Variants in JARID2 observed in about 807,000 individuals in gnomAD.
JARID2 encodes protein Jumonji.
Under a neutral mutation model 125.6 loss-of-function variants are expected in JARID2, and 21 were observed. That is an observed-to-expected ratio of 0.17 (90% CI 0.12 to 0.24). The LOEUF is 0.24. Ranked by LOEUF, JARID2 falls within the 10% of genes least tolerant of loss-of-function variation. The pLI, the probability that JARID2 is intolerant of heterozygous loss-of-function variation, is 1.00. For missense variants in JARID2, 1,303 were observed against 1,639.6 expected, an observed-to-expected ratio of 0.79 and a Z score of 3.55; for synonymous variants, 736 against 661.6, an observed-to-expected ratio of 1.11 and a Z score of -1.73.
At chr6:15,400,788 C>G (rs1486522430) in intron 2 of JARID2, 1 of 985,174 alleles carries the variant, frequency 1.0e-6, no homozygotes, top group African/African-American at 1.7e-5. Flanking sequence ...CATTGCTGTT[C>G]TGGCCGTCCT....
At chr6:15,289,018 G>A (rs936423576) in intron 1 of JARID2, among the ~76,000 whole-genome samples, 10 of 152,182 alleles carry the variant, frequency 6.6e-5, no homozygotes, top group African/African-American at 1.9e-4. Flanking sequence ...TCCAAGCCAC[G>A]GAGGGAGGAG....
At chr6:15,246,636 G>A (rs760076417) in intron 1 of JARID2, 52 bp downstream of exon 1, 1 of 1,419,006 alleles carries the variant, frequency 7.0e-7, no homozygotes, top group Admixed American at 1.7e-5. Flanking sequence ...AGCAATGGCT[G>A]TGAATGTCAA....
intron 1 of JARID2, among the ~76,000 whole-genome samples, chr6:15,325,460 T>TC (rs1223567660): frequency 6.6e-6 from 1 of 152,212 alleles, no homozygotes; most frequent in Non-Finnish European, 1.5e-5. Flanking sequence ...TCACAGCTTG[T>TC]CCTGAATTTA....
chr6:15,292,491 A>G (rs1263564799), intron 1 of JARID2, among the ~76,000 whole-genome samples: 1 of 152,166 alleles, frequency 6.6e-6, no homozygotes, highest in Non-Finnish European at 1.5e-5. Flanking sequence ...CTCTGGGTCA[A>G]TGGAAATAGA....
chr6:15,364,856 T>C (rs1279637209), intron 1 of JARID2, among the ~76,000 whole-genome samples: 2 of 152,242 alleles, frequency 1.3e-5, no homozygotes, highest in Non-Finnish European at 1.5e-5. Flanking sequence ...ATTGTGGCCA[T>C]TGAGTAACTG....
chr6:15,388,549 T>C (rs763959820), intron 2 of JARID2, among the ~76,000 whole-genome samples: 2 of 150,380 alleles, frequency 1.3e-5, no homozygotes, highest in Non-Finnish European at 3.0e-5. Flanking sequence ...GGTGTGGGGA[T>C]GAGGAGAGAA....
intron 4 of JARID2, 145 bp from the exon 5 acceptor site, chr6:15,468,391 ATCTTGG>A: frequency 1.7e-6 from 1 of 588,322 alleles, no homozygotes; most frequent in South Asian, 4.2e-5. Flanking sequence ...GGCACAGATG[ATCTTGG>A]GAGCATTTGA....
chr6:15,454,461 GC>G (rs1768062155), intron 4 of JARID2, among the ~76,000 whole-genome samples: 1 of 152,152 alleles, frequency 6.6e-6, no homozygotes, highest in Non-Finnish European at 1.5e-5. Context: ...ATCTCCATTA[GC>G]TTTTTTGTTT....
chr6:15,463,525 G>A (rs566152969), intron 4 of JARID2, among the ~76,000 whole-genome samples: 2 of 150,612 alleles, frequency 1.3e-5, no homozygotes, highest in South Asian at 4.2e-4. Context: ...CTGCCTGCTG[G>A]GTTCAAGTGA....
Position 15,520,896 on chromosome 6 carries a change from A to G in JARID2, c.*645A>G. 2.2e-6 allele frequency: 1 copy of G among 452,698 alleles called. No individual in the cohort carries two copies. The highest frequency in any genetic ancestry group is 4.5e-6 in the Non-Finnish European group (1 of 224,510). 28.0% of individuals were successfully genotyped at this position (452,698 alleles called of 1,614,324 possible). On this transcript the variant is annotated 3_prime_UTR_variant, in exon 18 of 18. Coordinates refer to ENST00000341776, the MANE Select transcript of JARID2 (RefSeq NM_004973.4). The stretch of plus-strand genomic sequence containing the variant: ...GTGGGCTCTCCACCAGCACATCACT[A>G]TGCATCTGTTCCAGGAAAGAAGAAA...
At chr6:15,386,762 A>C (rs1395872495) in intron 2 of JARID2, among the ~76,000 whole-genome samples, 3 of 152,258 alleles carry the variant, frequency 2.0e-5, no homozygotes, top group Non-Finnish European at 4.4e-5. Context: ...TGGGGACTGA[A>C]AGTGCCTCAA....
At chr6:15,429,534 G>C (rs566952963) in intron 3 of JARID2, among the ~76,000 whole-genome samples, 2 of 152,094 alleles carry the variant, frequency 1.3e-5, no homozygotes, top group African/African-American at 4.8e-5. Flanking sequence ...CTCCCAAAGT[G>C]CTGAGATTAC....
intron 1 of JARID2, among the ~76,000 whole-genome samples, chr6:15,352,616 G>A (rs1157785439): frequency 2.0e-5 from 3 of 151,984 alleles, no homozygotes; most frequent in South Asian, 2.1e-4. Context: ...CTCCCTTAAC[G>A]TCCTGGAAAC....
At chr6:15,420,137 G>A (rs952783671) in intron 3 of JARID2, among the ~76,000 whole-genome samples, 53 of 152,166 alleles carry the variant, frequency 3.5e-4, no homozygotes, top group African/African-American at 1.2e-3. Flanking sequence ...AGTTACAGCT[G>A]GGCACGCCTG....
chr6:15,492,237 A>C (rs2127726018), intron 6 of JARID2, among the ~76,000 whole-genome samples: 1 of 152,352 alleles, frequency 6.6e-6, no homozygotes, highest in African/African-American at 2.4e-5. Context: ...GAGTAACTTC[A>C]AGCACTTATG....
rs1759188906 is a variant in JARID2 at position 15,246,535 on chromosome 6, T to C, written c.-5T>C. The C allele has an allele frequency of 5.0e-6, 8 of 1,613,134 alleles. No homozygotes were observed. Among genetic ancestry groups the C allele is most frequent in the Non-Finnish European group, 6.8e-6 (8 of 1,179,368 alleles). ...CCCTTTTGCAATCAGCATTTGGATC[T>C]CAGAATGAGCAAGGAAAGACCCAAG... is the stretch of plus-strand genomic sequence containing the variant. On this transcript the variant is annotated 5_prime_UTR_variant, in exon 1 of 18. Transcript: ENST00000341776.
intron 2 of JARID2, among the ~76,000 whole-genome samples, chr6:15,401,988 T>C (rs1392080678): frequency 6.6e-6 from 1 of 151,870 alleles, no homozygotes; most frequent in Non-Finnish European, 1.5e-5. Context: ...AGTTGATTTC[T>C]TGATATGTGA....
At position 15,521,718 on chromosome 6, in the gene JARID2, A is replaced by G. The variant is rs1054657986; in HGVS notation, c.*1467A>G. On this transcript the variant is annotated 3_prime_UTR_variant, in exon 18 of 18. Coordinates refer to ENST00000341776, the MANE Select transcript of JARID2 (RefSeq NM_004973.4). Reference sequence around the variant, plus strand: ...AGCTTGCCAGTGGTGACTGCCAGGAACGTCCTATGATCCACTTTGTTGGTT... The same window carrying G: ...AGCTTGCCAGTGGTGACTGCCAGGAGCGTCCTATGATCCACTTTGTTGGTT... 1.3e-5 allele frequency: 2 copies of G among 152,180 alleles called. No individual in the cohort carries two copies. The highest frequency in any genetic ancestry group is 4.8e-5 in the African/African-American group (2 of 41,442). 9.4% of individuals were successfully genotyped at this position (152,180 alleles called of 1,614,324 possible).
intron 1 of JARID2, among the ~76,000 whole-genome samples, chr6:15,366,307 A>G (rs889293147): frequency 6.6e-6 from 1 of 151,942 alleles, no homozygotes; most frequent in Non-Finnish European, 1.5e-5. Flanking sequence ...CCATGGGCCT[A>G]GTTTTTTAGA....
Sources: allele counts gnomAD v4.1 joint callset (sites outside exome capture counted in the v4.1 genomes callset), GRCh38; gene constraint gnomAD v4.1.1; transcripts MANE v1.5; gene names NCBI Gene and HGNC (gene_info 2026-07-23, HGNC 2026-07-21).